The following ALPK2 variants were observed in gnomAD, a reference collection of about 807,000 sequenced individuals.
ALPK2 encodes alpha-protein kinase 2.
A neutral mutation model predicts 163.1 loss-of-function variants in ALPK2; 127 were observed. The ratio of observed to expected loss-of-function variants is 0.78; its 90% CI spans 0.67 to 0.90. ALPK2 has a LOEUF of 0.90. Ranked by LOEUF, ALPK2 falls within the 40% of genes least tolerant of loss-of-function variation. The pLI, the probability that ALPK2 is intolerant of heterozygous loss-of-function variation, is 0.00. For synonymous variants in ALPK2, 953 were observed against 959.1 expected, an observed-to-expected ratio of 0.99 and a Z score of 0.12; for missense variants, 2,360 against 2,589.6, an observed-to-expected ratio of 0.91 and a Z score of 1.92.
intron 2 of ALPK2, 49 bp from the exon 3 acceptor site, chr18:58,607,488 G>GAAA (rs113295953): frequency 2.1e-5 from 19 of 904,334 alleles, no homozygotes; most frequent in Admixed American, 3.4e-5. Flanking sequence ...GTATTTTTAG[G>GAAA]AAAAAAAAAA....
intron 11 of ALPK2, among the ~76,000 whole-genome samples, chr18:58,498,982 A>G (rs1043702949): frequency 6.6e-6 from 1 of 152,032 alleles, no homozygotes; most frequent in African/African-American, 2.4e-5. Flanking sequence ...ATGATTTCTC[A>G]TTTCCATAAA....
chr18:58,605,587 G>A (rs542391912), intron 3 of ALPK2, among the ~76,000 whole-genome samples: 1 of 152,336 alleles, frequency 6.6e-6, no homozygotes, highest in African/African-American at 2.4e-5. Flanking sequence ...CAAAAGGGAG[G>A]CCTGTGCAAC....
chr18:58,621,867 C>T (rs2052202396), intron 1 of ALPK2, among the ~76,000 whole-genome samples: 1 of 152,142 alleles, frequency 6.6e-6, no homozygotes, highest in Non-Finnish European at 1.5e-5. Context: ...GTGTTGGGTG[C>T]ACAATTTGTC....
chr18:58,600,564 G>A (rs1312808099), intron 3 of ALPK2: 1 of 152,204 alleles, frequency 6.6e-6, no homozygotes, highest in East Asian at 1.9e-4. Context: ...ACGGCTCCTA[G>A]GGTCTGTCTG....
At chr18:58,599,970 G>A (rs1248605552) in intron 3 of ALPK2, among the ~76,000 whole-genome samples, 1 of 148,308 alleles carries the variant, frequency 6.7e-6, no homozygotes, top group East Asian at 2.1e-4. Flanking sequence ...AGTTGATGGT[G>A]ACAATTCTAT....
At chr18:58,550,546 CAT>C in intron 4 of ALPK2, among the ~76,000 whole-genome samples, 2 of 152,198 alleles carry the variant, frequency 1.3e-5, no homozygotes, top group African/African-American at 2.4e-5. Context: ...ATCCCATCCC[CAT>C]CTCTATCATA....
intron 4 of ALPK2, among the ~76,000 whole-genome samples, chr18:58,575,223 G>A (rs2051913518): frequency 6.6e-6 from 1 of 150,976 alleles, no homozygotes; most frequent in African/African-American, 2.4e-5. Context: ...AAAAAAAGAA[G>A]AAGAAGAAAG....
chr18:58,578,482 G>C (rs564626730), intron 4 of ALPK2: 89 of 194,338 alleles, frequency 4.6e-4, no homozygotes, highest in Non-Finnish European at 7.0e-4. Flanking sequence ...GCATTGCCTG[G>C]TAAAACACAT....
At chr18:58,606,343 G>T (rs991731428) in intron 3 of ALPK2, among the ~76,000 whole-genome samples, 3 of 152,178 alleles carry the variant, frequency 2.0e-5, no homozygotes, top group African/African-American at 4.8e-5. Flanking sequence ...CCCTCCCAAA[G>T]TGCTGAGATT....
At chr18:58,602,333 C>T (rs1025260199) in intron 3 of ALPK2, among the ~76,000 whole-genome samples, 1 of 152,154 alleles carries the variant, frequency 6.6e-6, no homozygotes. Context: ...GGCTGTGTAA[C>T]AAACTACCGC....
At chr18:58,483,419 C>T (rs1833829557) in intron 12 of ALPK2, among the ~76,000 whole-genome samples, 2 of 152,180 alleles carry the variant, frequency 1.3e-5, no homozygotes, top group Admixed American at 6.5e-5. Flanking sequence ...CCATTGACCT[C>T]TTCAGCCATT....
In ALPK2 at chr18:58,540,864, A is replaced by G. The variant is rs963514670; in HGVS notation, c.1963-2640T>C. 4.6e-5 allele frequency among the ~76,000 whole-genome samples: 7 copies of G among 152,266 alleles called. No individual in the cohort carries two copies. The East Asian group carries it at 7.7e-4, about 17-fold the overall frequency. On this transcript the variant is annotated intron_variant, in intron 4 of 12. Transcript: ENST00000361673. ...GCTTCAGTTAAAAAGTTACTATGAT[A>G]TTTACTGGGATGGTACCTTTATTCT...
chr18:58,582,211 C>A (rs958987382), intron 3 of ALPK2, among the ~76,000 whole-genome samples: 14 of 152,174 alleles, frequency 9.2e-5, no homozygotes, highest in African/African-American at 3.4e-4. Flanking sequence ...GCGCTCCTGT[C>A]TATTTCACTA....
intron 1 of ALPK2, among the ~76,000 whole-genome samples, chr18:58,620,390 A>T (rs1325965560): frequency 6.6e-6 from 1 of 152,260 alleles, no homozygotes; most frequent in Non-Finnish European, 1.5e-5. Flanking sequence ...AGCCATACGC[A>T]AGAGACCATA....
At position 58,514,987 on chromosome 18, in the gene ALPK2, A is replaced by T. The variant is rs1288833313; in HGVS notation, c.6029+6T>A. ...GTGTGACACAAGGCAGGGTAAACAC[A>T]CTTACTCAGGTACTTCTCCAAAGCC... On this transcript the variant is annotated splice_donor_region_variant and intron_variant, in intron 10 of 12. Transcript: ENST00000361673. 6.2e-7 allele frequency: 1 copy of T among 1,610,136 alleles called. No individual in the cohort carries two copies.
intron 1 of ALPK2, among the ~76,000 whole-genome samples, chr18:58,622,715 G>A (rs925856966): frequency 4.6e-5 from 7 of 152,174 alleles, no homozygotes; most frequent in African/African-American, 7.2e-5. Flanking sequence ...GGAATGTGTC[G>A]TCAATGTCAT....
intron 10 of ALPK2, among the ~76,000 whole-genome samples, chr18:58,512,937 GGTGTGTGGT>G (rs2051500428): frequency 8.0e-6 from 1 of 125,100 alleles, no homozygotes; most frequent in African/African-American, 3.0e-5. Flanking sequence ...GGGTGTGTGG[GGTGTGTGGT>G]GTGTGTGTTG....
intron 12 of ALPK2, among the ~76,000 whole-genome samples, chr18:58,491,546 G>C (rs997080741): frequency 2.0e-5 from 3 of 152,016 alleles, no homozygotes; most frequent in Non-Finnish European, 4.4e-5. Flanking sequence ...ATTTAGTCTT[G>C]TGGCCCCCAC....
chr18:58,542,813 G>T (rs1284675807), intron 4 of ALPK2, among the ~76,000 whole-genome samples: 2 of 152,172 alleles, frequency 1.3e-5, no homozygotes, highest in East Asian at 3.9e-4. Context: ...CAGTGGCGTG[G>T]GTGTGCAGGG....
Sources: gnomAD v4.1 joint callset for allele counts (sites outside exome capture counted in the v4.1 genomes callset) on GRCh38, gnomAD v4.1.1 for gene constraint, MANE v1.5 for transcripts, NCBI Gene and HGNC (gene_info 2026-07-23, HGNC 2026-07-21) for gene names.